ICA1: variants seen among roughly 807,000 people sequenced by gnomAD.
ICA1 encodes islet cell autoantigen 1.
In ICA1, 40 loss-of-function variants were observed where a neutral mutation model predicts 71.0. The ratio of observed to expected loss-of-function variants is 0.56; its 90% CI spans 0.44 to 0.73. The LOEUF (loss-of-function observed/expected upper bound fraction) is 0.73. Ranked by LOEUF, ICA1 falls within the 30% of genes least tolerant of loss-of-function variation. The probability of loss-of-function intolerance (pLI) is 0.00; values close to 1 mark genes in which losing one functional copy is unlikely to be tolerated. For missense variants in ICA1, 578 were observed against 576.5 expected (o/e 1.00, Z -0.03); for synonymous variants, 207 against 209.5 (o/e 0.99, Z 0.10).
chr7:8,148,967 G>A (rs1797934630), intron 8 of ICA1, among the ~76,000 whole-genome samples: 1 of 152,240 alleles, frequency 6.6e-6, no homozygotes, highest in Admixed American at 6.5e-5. Flanking sequence ...CGCTCAACTC[G>A]GGGTAGAAGG....
At chr7:8,148,900 G>C (rs775909413) in intron 8 of ICA1, among the ~76,000 whole-genome samples, 1 of 152,192 alleles carries the variant, frequency 6.6e-6, no homozygotes, top group African/African-American at 2.4e-5. Context: ...GTTCCTGGGT[G>C]TGACTGTCAG....
rs116752011 is a variant in ICA1 at position 8,257,811 on chromosome 7, A to G, written c.-80+4283T>C. Among the ~76,000 whole-genome samples the G allele has an allele frequency of 5.2e-3, 791 of 152,286 alleles. 8 individuals are homozygous for G. The highest frequency in any genetic ancestry group is 0.016 in the African/African-American group (681 of 41,572). On this transcript the variant is annotated intron_variant, in intron 1 of 13. Coordinates refer to ENST00000402384, the MANE Select transcript of ICA1 (RefSeq NM_001136020.3). ...GTGCTTACACTAATTAGTGCATCTA[A>G]TCCTCCTGAATCACAGATGATCAGA...
intron 8 of ICA1, among the ~76,000 whole-genome samples, chr7:8,146,691 C>T (rs915313237): frequency 6.0e-5 from 9 of 151,178 alleles, no homozygotes; most frequent in Non-Finnish European, 1.0e-4. Context: ...TTTTATATAC[C>T]CCAAAGCTTC....
chr7:8,127,546 C>T (rs1466270770), intron 13 of ICA1, among the ~76,000 whole-genome samples: 5 of 152,064 alleles, frequency 3.3e-5, no homozygotes, highest in Non-Finnish European at 7.4e-5. Flanking sequence ...GAACTCAGGG[C>T]GGAGTGGCCA....
chr7:8,175,959 C>A (rs778125292), intron 6 of ICA1, among the ~76,000 whole-genome samples: 2 of 152,250 alleles, frequency 1.3e-5, no homozygotes, highest in South Asian at 2.1e-4. Context: ...GTTCCATGGA[C>A]GGCAAAGGGG....
At position 8,205,362 on chromosome 7, in the gene ICA1, C is replaced by T. The variant is rs186921428; in HGVS notation, c.579+12943G>A. Among the ~76,000 whole-genome samples, 5 of 152,232 alleles carry T rather than the reference C, an allele frequency of 3.3e-5. No individual in the cohort carries two copies. The East Asian group carries it at 9.6e-4, about 29-fold the overall frequency. ...ATTTGTGGTGCCTCTGATAAAATTC[C>T]AGTGAAACCTGAGTATGCCACATAG... On this transcript the variant is annotated intron_variant, in intron 6 of 13. Coordinates refer to ENST00000402384, the MANE Select transcript of ICA1 (RefSeq NM_001136020.3).
At chr7:8,163,004 T>G (rs529530358) in intron 6 of ICA1, among the ~76,000 whole-genome samples, 1 of 152,130 alleles carries the variant, frequency 6.6e-6, no homozygotes, top group Non-Finnish European at 1.5e-5. Flanking sequence ...CCTCAGAAAA[T>G]CCGCCCGCCT....
chr7:8,206,825 TTTC>T (rs1282940903), intron 6 of ICA1, among the ~76,000 whole-genome samples: 4 of 152,124 alleles, frequency 2.6e-5, no homozygotes, highest in Non-Finnish European at 4.4e-5. Context: ...ATTTGAGAGA[TTTC>T]TTCATTTATT....
At chr7:8,168,034 G>GAC (rs1420931163) in intron 6 of ICA1, among the ~76,000 whole-genome samples, 4 of 151,834 alleles carry the variant, frequency 2.6e-5, no homozygotes, top group African/African-American at 7.2e-5. Context: ...AAAAGAGGGA[G>GAC]AGAGAGAGAG....
intron 6 of ICA1, among the ~76,000 whole-genome samples, chr7:8,205,682 G>C (rs900312780): frequency 6.6e-6 from 1 of 152,202 alleles, no homozygotes; most frequent in Non-Finnish European, 1.5e-5. Context: ...GGGCTAGCAG[G>C]AACATAAATC....
intron 6 of ICA1, among the ~76,000 whole-genome samples, chr7:8,174,166 C>A (rs922378121): frequency 6.6e-6 from 1 of 152,042 alleles, no homozygotes; most frequent in Non-Finnish European, 1.5e-5. Context: ...ATGGAGTATG[C>A]GTGGCTTGTT....
chr7:8,172,936 T>C (rs527365130), intron 6 of ICA1, among the ~76,000 whole-genome samples: 2 of 152,346 alleles, frequency 1.3e-5, no homozygotes, highest in South Asian at 4.1e-4. Context: ...GCTCCTTTCA[T>C]AGATTGAGCT....
At chr7:8,216,501 G>C (rs996293027) in intron 6 of ICA1, among the ~76,000 whole-genome samples, 2 of 149,684 alleles carry the variant, frequency 1.3e-5, no homozygotes, top group African/African-American at 5.0e-5. Context: ...AATGGGTAAT[G>C]TTTCAACACT....
At chr7:8,178,318 T>G (rs185843315) in intron 6 of ICA1, among the ~76,000 whole-genome samples, 1 of 152,192 alleles carries the variant, frequency 6.6e-6, no homozygotes, top group Non-Finnish European at 1.5e-5. Context: ...GTTCGTTATA[T>G]ACCTCTATTA....
chr7:8,191,959 C>A (rs114004865), intron 6 of ICA1, among the ~76,000 whole-genome samples: 4 of 151,964 alleles, frequency 2.6e-5, no homozygotes, highest in African/African-American at 9.7e-5. Context: ...GTTAATTCAC[C>A]CAAACATTAC....
At chr7:8,114,508 C>T (rs879910414) in intron 13 of ICA1, among the ~76,000 whole-genome samples, 5 of 152,186 alleles carry the variant, frequency 3.3e-5, no homozygotes, top group Non-Finnish European at 7.3e-5. Context: ...AAGCAACAGG[C>T]CCAAAAGTGT....
At chr7:8,140,534 G>T (rs1794855477) in intron 10 of ICA1, among the ~76,000 whole-genome samples, 1 of 152,204 alleles carries the variant, frequency 6.6e-6, no homozygotes, top group Admixed American at 6.5e-5. Flanking sequence ...AGCTGGAGCT[G>T]CTGGATTACT....
In ICA1 at chr7:8,217,831, G is replaced by C. The variant is rs150353934; in HGVS notation, c.579+474C>G. On this transcript the variant is annotated intron_variant, in intron 6 of 13. Transcript: ENST00000402384. ...ACATATTTTCCTCAGAAAAATTTCT[G>C]AGGAATGCTGCATGAGTTAACCCTG... 2.3e-3 allele frequency among the ~76,000 whole-genome samples: 350 copies of C among 152,268 alleles called. 2 individuals are homozygous for C. Among genetic ancestry groups the C allele is most frequent in the African/African-American group, 7.8e-3 (326 of 41,546 alleles).
chr7:8,156,513 G>T, intron 8 of ICA1: 1 of 180,176 alleles, frequency 5.6e-6, no homozygotes, highest in Non-Finnish European at 1.1e-5. Flanking sequence ...CACTCCATGT[G>T]CAGATCCAAT....
Sources: gnomAD v4.1 joint callset for allele counts (sites outside exome capture counted in the v4.1 genomes callset) on GRCh38, gnomAD v4.1.1 for gene constraint, MANE v1.5 for transcripts, NCBI Gene and HGNC (gene_info 2026-07-23, HGNC 2026-07-21) for gene names.